Variants in IGF2BP2 observed in about 807,000 individuals in gnomAD.
The protein encoded by IGF2BP2 is insulin-like growth factor 2 mRNA-binding protein 2.
A neutral mutation model predicts 75.8 loss-of-function variants in IGF2BP2; 17 were observed. The ratio of observed to expected loss-of-function variants is 0.22; its 90% CI spans 0.15 to 0.34. The LOEUF is 0.34. IGF2BP2 is among the 10% of genes least tolerant of loss of function. IGF2BP2 has a pLI of 1.00. For missense variants in IGF2BP2, 516 were observed against 772.4 expected (o/e 0.67, Z 3.93); for synonymous variants, 288 against 295.6 (o/e 0.97, Z 0.26).
chr3:185,823,830 C>G (rs1360534738), intron 1 of IGF2BP2, among the ~76,000 whole-genome samples: 1 of 151,614 alleles, frequency 6.6e-6, no homozygotes, highest in Non-Finnish European at 1.5e-5. Context: ...GGGAGCGGAG[C>G]GTGTGCTGGG....
chr3:185,801,686 TA>T (rs1738303749), intron 2 of IGF2BP2, among the ~76,000 whole-genome samples: 1 of 152,094 alleles, frequency 6.6e-6, no homozygotes, highest in Non-Finnish European at 1.5e-5. Context: ...CCCAAAGGAT[TA>T]TAAATCATGC....
At chr3:185,715,874 G>A (rs951991449) in intron 2 of IGF2BP2, among the ~76,000 whole-genome samples, 2 of 152,092 alleles carry the variant, frequency 1.3e-5, no homozygotes, top group African/African-American at 2.4e-5. Flanking sequence ...TTGAACTCCT[G>A]ACCTCAGGTG....
At chr3:185,781,803 G>A (rs1735237227) in intron 2 of IGF2BP2, among the ~76,000 whole-genome samples, 1 of 152,098 alleles carries the variant, frequency 6.6e-6, no homozygotes. Flanking sequence ...GTGTGTGTGT[G>A]TATGCATGAG....
rs989577209 is a variant in IGF2BP2 at position 185,697,417 on chromosome 3, G to T, written c.289-754C>A. ...CATCACGCCCAGGCAATAATCGTGT[G>T]TTTTTTTTTTTTAAAGTAATAAAAA... On this transcript the variant is annotated intron_variant, in intron 3 of 15. Coordinates refer to ENST00000382199, the MANE Select transcript of IGF2BP2 (RefSeq NM_006548.6). Among the ~76,000 whole-genome samples the T allele has an allele frequency of 8.8e-5, 13 of 148,132 alleles. No individual in the cohort carries two copies. In the East Asian group the frequency reaches 1.8e-3, roughly 20 times the overall value.
chr3:185,732,234 A>G (rs1404293489), intron 2 of IGF2BP2, among the ~76,000 whole-genome samples: 1 of 152,208 alleles, frequency 6.6e-6, no homozygotes, highest in Non-Finnish European at 1.5e-5. Flanking sequence ...CTTGAAAGCT[A>G]GAATTTTTTC....
At chr3:185,787,142 G>A (rs1736004055) in intron 2 of IGF2BP2, among the ~76,000 whole-genome samples, 1 of 152,152 alleles carries the variant, frequency 6.6e-6, no homozygotes, top group African/African-American at 2.4e-5. Flanking sequence ...GGGGGGCAAT[G>A]GCGAGTTACT....
chr3:185,789,219 T>A (rs1279817935), intron 2 of IGF2BP2, among the ~76,000 whole-genome samples: 1 of 152,198 alleles, frequency 6.6e-6, no homozygotes, highest in South Asian at 2.1e-4. Context: ...GAGTTCCATA[T>A]GGACTAAAAA....
intron 2 of IGF2BP2, among the ~76,000 whole-genome samples, chr3:185,781,355 G>C (rs1027144325): frequency 6.6e-6 from 1 of 152,128 alleles, no homozygotes; most frequent in Non-Finnish European, 1.5e-5. Context: ...GAGCTGGGAG[G>C]AAAGGAAGAA....
chr3:185,730,428 CTTT>C (rs71632076), intron 2 of IGF2BP2, among the ~76,000 whole-genome samples: 5 of 96,764 alleles, frequency 5.2e-5, no homozygotes, highest in Admixed American at 2.4e-4. Flanking sequence ...GCGCAGGTGT[CTTT>C]TTTTTTTTTT....
rs1288374934 is a variant in IGF2BP2 at position 185,665,482 on chromosome 3, AAGGAGGAGAAGGAGGAGGAGAAGGAGG to A, written c.1200+7032_1200+7058del. On this transcript the variant is annotated intron_variant, in intron 10 of 15. Coordinates refer to ENST00000382199, the MANE Select transcript of IGF2BP2 (RefSeq NM_006548.6). ...GAAGAAGAAGAAGAAGAAGGAGAAG[AAGGAGGAGAAGGAGGAGGAGAAGGAGG>A]AGGAGGAGAAGGAGGAGGAGGAGAA... 2.8e-4 allele frequency among the ~76,000 whole-genome samples: 12 copies of A among 42,644 alleles called. No homozygotes were observed. In the East Asian group the frequency reaches 3.8e-3, roughly 14 times the overall value. The allele number at this position is 42,644 out of a possible 152,430, so 28.0% of individuals were successfully genotyped here.
At chr3:185,671,535 C>CAAAAAAAAAAAA (rs397706922) in intron 10 of IGF2BP2, among the ~76,000 whole-genome samples, 1 of 88,760 alleles carries the variant, frequency 1.1e-5, no homozygotes, top group Admixed American at 1.3e-4. Flanking sequence ...GACTCCATCT[C>CAAAAAAAAAAAA]AAAAAAAAAA....
chr3:185,800,074 T>C (rs144856584), intron 2 of IGF2BP2, among the ~76,000 whole-genome samples: 1 of 152,254 alleles, frequency 6.6e-6, no homozygotes, highest in Non-Finnish European at 1.5e-5. Context: ...GTGGCACATA[T>C]ACACCATGGA....
intron 2 of IGF2BP2, among the ~76,000 whole-genome samples, chr3:185,808,266 A>G (rs779971349): frequency 2.7e-4 from 41 of 152,082 alleles, no homozygotes; most frequent in Admixed American, 4.6e-4. Context: ...ACCTGAGGTC[A>G]GGAGTTCAAG....
intron 7 of IGF2BP2, among the ~76,000 whole-genome samples, chr3:185,676,939 GACAT>G (rs1211178266): frequency 7.2e-6 from 1 of 139,272 alleles, no homozygotes; most frequent in Non-Finnish European, 1.5e-5. Flanking sequence ...TGGAGAGAGA[GACAT>G]ATATATATGG....
intron 2 of IGF2BP2, among the ~76,000 whole-genome samples, chr3:185,810,303 C>A (rs1739627227): frequency 6.6e-6 from 1 of 152,184 alleles, no homozygotes; most frequent in Non-Finnish European, 1.5e-5. Flanking sequence ...TTATTTTCTG[C>A]ACCCAGGGAA....
chr3:185,659,520 AC>A, intron 10 of IGF2BP2, among the ~76,000 whole-genome samples: 1 of 150,950 alleles, frequency 6.6e-6, no homozygotes, highest in African/African-American at 2.4e-5. Flanking sequence ...GATTACAGGC[AC>A]CCCCCACCAC....
chr3:185,820,427 A>C (rs1179015410), intron 2 of IGF2BP2, among the ~76,000 whole-genome samples: 19 of 152,120 alleles, frequency 1.2e-4, no homozygotes, highest in Admixed American at 1.1e-3. Flanking sequence ...ATAGAGAAAA[A>C]AAGATTCAAA....
chr3:185,696,728 T>C, intron 3 of IGF2BP2, 65 bp from the exon 4 acceptor site: 1 of 1,274,336 alleles, frequency 7.8e-7, no homozygotes, highest in South Asian at 1.2e-5. Context: ...AATACTACAG[T>C]GATATACCCC....
chr3:185,797,887 C>T (rs1308950960), intron 2 of IGF2BP2, among the ~76,000 whole-genome samples: 1 of 138,304 alleles, frequency 7.2e-6, no homozygotes, highest in Admixed American at 7.3e-5. Flanking sequence ...CAGAGTGAGA[C>T]CCTGTCTCTT....
Sources: gnomAD v4.1 joint callset for allele counts (sites outside exome capture counted in the v4.1 genomes callset) on GRCh38, gnomAD v4.1.1 for gene constraint, MANE v1.5 for transcripts, NCBI Gene and HGNC (gene_info 2026-07-23, HGNC 2026-07-21) for gene names.